Variants in PARD3B observed in about 807,000 individuals in gnomAD.
The protein encoded by PARD3B is par-3 family cell polarity regulator beta, also known as partitioning defective 3 homolog B.
A neutral mutation model predicts 130.2 loss-of-function variants in PARD3B; 103 were observed. That is an observed-to-expected ratio of 0.79 (90% CI 0.67 to 0.93). PARD3B has a LOEUF of 0.93. Among genes scored for constraint, PARD3B ranks in the 40% least tolerant of loss-of-function variants. The pLI is 0.00. For synonymous variants in PARD3B, 583 were observed against 553.2 expected, an observed-to-expected ratio of 1.05 and a Z score of -0.76; for missense variants, 1,609 against 1,499.2, an observed-to-expected ratio of 1.07 and a Z score of -1.21.
At chr2:205,347,063 C>T (rs1333259343) in intron 18 of PARD3B, among the ~76,000 whole-genome samples, 1 of 152,064 alleles carries the variant, frequency 6.6e-6, no homozygotes, top group Admixed American at 6.5e-5. Flanking sequence ...TTTCATATTC[C>T]TTATTCAAAA....
intron 3 of PARD3B, among the ~76,000 whole-genome samples, chr2:205,010,892 T>C (rs1049682271): frequency 1.3e-5 from 2 of 152,240 alleles, no homozygotes; most frequent in Non-Finnish European, 2.9e-5. Flanking sequence ...TAAATCCTCT[T>C]CACATTGTCT....
intron 2 of PARD3B, among the ~76,000 whole-genome samples, chr2:204,710,649 G>A (rs2038389800): frequency 6.6e-6 from 1 of 152,188 alleles, no homozygotes; most frequent in Non-Finnish European, 1.5e-5. Context: ...ATTCTCTAAA[G>A]AGTTGCACCT....
chr2:204,729,966 C>G (rs578022621), intron 2 of PARD3B, among the ~76,000 whole-genome samples: 20 of 148,624 alleles, frequency 1.3e-4, no homozygotes, highest in African/African-American at 4.2e-4. Flanking sequence ...ATTATTCTTT[C>G]TACTTTCTAG....
intron 1 of PARD3B, among the ~76,000 whole-genome samples, chr2:204,634,659 G>C (rs2125144641): frequency 6.6e-6 from 1 of 151,580 alleles, no homozygotes; most frequent in Non-Finnish European, 1.5e-5. Flanking sequence ...TTTTTTTTCT[G>C]TTCTACATAT....
intron 3 of PARD3B, among the ~76,000 whole-genome samples, chr2:205,043,810 TTTA>T (rs995267264): frequency 1.3e-5 from 2 of 151,978 alleles, no homozygotes; most frequent in African/African-American, 4.8e-5. Context: ...AAATTTTTTA[TTTA>T]TTATTATTAT....
chr2:205,388,129 CAG>C (rs1338224445), intron 18 of PARD3B, among the ~76,000 whole-genome samples: 2 of 152,204 alleles, frequency 1.3e-5, no homozygotes, highest in Non-Finnish European at 1.5e-5. Flanking sequence ...ATGTTCCACT[CAG>C]AGGCTCAGAC....
rs142928521 is a variant in PARD3B at position 205,107,164 on chromosome 2, C to T, written c.593+2650C>T. On this transcript the variant is annotated intron_variant, in intron 5 of 22. Transcript: ENST00000406610. ...TCAAGCCTTTGTTATCCCTCAGCTACACCATTATAATAACCTACTAACTTC... is the reference window on the plus strand; with the variant it reads ...TCAAGCCTTTGTTATCCCTCAGCTATACCATTATAATAACCTACTAACTTC... Among the ~76,000 whole-genome samples the T allele has an allele frequency of 1.4e-4, 22 of 152,342 alleles. No individual in the cohort carries two copies. In the East Asian group the frequency reaches 4.0e-3, roughly 28 times the overall value.
At chr2:205,129,448 T>C (rs935441577) in intron 10 of PARD3B, among the ~76,000 whole-genome samples, 2 of 152,248 alleles carry the variant, frequency 1.3e-5, no homozygotes, top group Non-Finnish European at 2.9e-5. Context: ...GATACATCTT[T>C]GTGTTTTCCT....
chr2:204,795,722 C>T (rs1030648476), intron 2 of PARD3B, among the ~76,000 whole-genome samples: 14 of 152,068 alleles, frequency 9.2e-5, no homozygotes, highest in Admixed American at 7.9e-4. Context: ...TATTTAAGCT[C>T]GTATTGAGAC....
intron 18 of PARD3B, among the ~76,000 whole-genome samples, chr2:205,386,027 A>G (rs2045648648): frequency 6.6e-6 from 1 of 152,204 alleles, no homozygotes; most frequent in Non-Finnish European, 1.5e-5. Context: ...AACTTTCTCT[A>G]TAAATTTAAG....
intron 21 of PARD3B, among the ~76,000 whole-genome samples, chr2:205,529,005 G>A (rs746707787): frequency 1.3e-5 from 2 of 152,082 alleles, no homozygotes; most frequent in Non-Finnish European, 2.9e-5. Flanking sequence ...TATGGCTATG[G>A]TGGCATGACC....
chr2:205,143,242 G>A (rs2033113851), intron 10 of PARD3B, among the ~76,000 whole-genome samples: 1 of 152,148 alleles, frequency 6.6e-6, no homozygotes, highest in South Asian at 2.1e-4. Flanking sequence ...TGCGCCATCA[G>A]GGAAATGATT....
chr2:205,343,176 G>A (rs1209437932), intron 18 of PARD3B, among the ~76,000 whole-genome samples: 1 of 152,186 alleles, frequency 6.6e-6, no homozygotes, highest in African/African-American at 2.4e-5. Context: ...CAATGCCCAA[G>A]TGACTAAGTG....
At position 205,440,173 on chromosome 2, in the gene PARD3B, C is replaced by A. The variant is rs2047661952; in HGVS notation, c.2742-197C>A. Among the ~76,000 whole-genome samples the A allele has an allele frequency of 6.6e-6, 1 of 152,098 alleles. No homozygotes were observed. Among genetic ancestry groups the A allele is most frequent in the Admixed American group, 6.6e-5 (1 of 15,258 alleles). On this transcript the variant is annotated intron_variant, in intron 19 of 22. Coordinates refer to ENST00000406610, the MANE Select transcript of PARD3B (RefSeq NM_001302769.2). This position sits in a 1 kb window ranked among gnomAD's most constrained non-coding sequence, Gnocchi z 4.2. ...CATAGCATTGCTATCAAAGTAAAGACCCTGTAACAAATAAAGATCAGATAT... is the reference window on the plus strand; with the variant it reads ...CATAGCATTGCTATCAAAGTAAAGAACCTGTAACAAATAAAGATCAGATAT...
intron 1 of PARD3B, among the ~76,000 whole-genome samples, chr2:204,587,440 G>A (rs905673667): frequency 6.6e-6 from 1 of 152,174 alleles, no homozygotes; most frequent in Non-Finnish European, 1.5e-5. Flanking sequence ...AAATGGAATT[G>A]TTGGTAGTCA....
chr2:205,206,132 A>C (rs781125838), intron 15 of PARD3B, among the ~76,000 whole-genome samples: 148 of 151,174 alleles, frequency 9.8e-4, no homozygotes, highest in Non-Finnish European at 1.0e-3. Context: ...ATAAAGACAG[A>C]TATGAACTTT....
At chr2:205,499,824 CAAG>C (rs2050090850) in intron 20 of PARD3B, 69 bp from the exon 21 acceptor site, 1 of 1,424,724 alleles carries the variant, frequency 7.0e-7, no homozygotes. Flanking sequence ...ACTCCTTTAA[CAAG>C]AAGATCCAAA....
intron 2 of PARD3B, among the ~76,000 whole-genome samples, chr2:204,860,677 C>G (rs969706580): frequency 6.6e-6 from 1 of 152,122 alleles, no homozygotes; most frequent in African/African-American, 2.4e-5. Flanking sequence ...GTGATTGGAA[C>G]GTAGTTTCAT....
chr2:205,575,313 C>T lies in PARD3B; in HGVS notation c.3260+21910C>T, dbSNP rs968922089. Among the ~76,000 whole-genome samples the T allele has an allele frequency of 6.6e-6, 1 of 152,022 alleles. No individual in the cohort carries two copies. Among genetic ancestry groups the T allele is most frequent in the Non-Finnish European group, 1.5e-5 (1 of 68,006 alleles). On this transcript the variant is annotated intron_variant, in intron 22 of 22. Coordinates refer to ENST00000406610, the MANE Select transcript of PARD3B (RefSeq NM_001302769.2). This position sits in a 1 kb window ranked among gnomAD's most constrained non-coding sequence, Gnocchi z 4.6. ...ACCTCAACACATGCGTAACTTCCCT[C>T]ATTACCAACATTCCCAACTGCAGTG...
Sources: allele counts gnomAD v4.1 joint callset (sites outside exome capture counted in the v4.1 genomes callset), GRCh38; gene constraint gnomAD v4.1.1; non-coding constraint Gnocchi (gnomAD v3.1); transcripts MANE v1.5; gene names NCBI Gene and HGNC (gene_info 2026-07-23, HGNC 2026-07-21).